The following CYTH3 variants were observed in gnomAD, a reference collection of about 807,000 sequenced individuals.
CYTH3 encodes the protein cytohesin-3.
In CYTH3, 23 loss-of-function variants were observed where a neutral mutation model predicts 55.1. The ratio of observed to expected loss-of-function variants is 0.42; its 90% CI spans 0.30 to 0.59. The LOEUF is 0.59. Among genes scored for constraint, CYTH3 ranks in the 20% least tolerant of loss-of-function variants. The pLI is 0.20. For synonymous variants in CYTH3, 249 were observed against 194.9 expected (o/e 1.28, Z -2.31); for missense variants, 413 against 524.8 (o/e 0.79, Z 2.08).
intron 5 of CYTH3, among the ~76,000 whole-genome samples, chr7:6,175,296 C>T (rs1454197833): frequency 2.0e-5 from 3 of 152,074 alleles, no homozygotes; most frequent in African/African-American, 4.8e-5. Flanking sequence ...CCACCATGCC[C>T]GGCCAGCCTT....
chr7:6,172,904 C>A, intron 6 of CYTH3: 1 of 1,226,230 alleles, frequency 8.2e-7, no homozygotes, highest in African/African-American at 1.6e-5. Flanking sequence ...ACATTGCAGT[C>A]TGCAGTTGAG....
chr7:6,231,390 C>G (rs1345225641), intron 1 of CYTH3, among the ~76,000 whole-genome samples: 1 of 152,196 alleles, frequency 6.6e-6, no homozygotes, highest in Non-Finnish European at 1.5e-5. Flanking sequence ...AAGAGCCCTG[C>G]AGGAGGGCAG....
In CYTH3 at chr7:6,215,889, G is replaced by A. The variant is rs142388752; in HGVS notation, c.35-25358C>T. ...AAAACCACAATGGCCAGAGGAAGTA[G>A]CAAAACATTCTTCAAGTGAAGAAAG... is the stretch of plus-strand genomic sequence containing the variant. On this transcript the variant is annotated intron_variant, in intron 1 of 12. Transcript: ENST00000350796. 6.6e-3 allele frequency among the ~76,000 whole-genome samples: 1,002 copies of A among 152,246 alleles called. 11 individuals are homozygous for A. Among genetic ancestry groups the A allele is most frequent in the African/African-American group, 0.023 (950 of 41,548 alleles).
intron 1 of CYTH3, among the ~76,000 whole-genome samples, chr7:6,233,883 G>C (rs1779451545): frequency 6.6e-6 from 1 of 151,914 alleles, no homozygotes; most frequent in Non-Finnish European, 1.5e-5. Context: ...TTCAGTGTGT[G>C]GTGAGGGCTG....
At chr7:6,271,777 T>A (rs960441218) in intron 1 of CYTH3, among the ~76,000 whole-genome samples, 21 of 152,088 alleles carry the variant, frequency 1.4e-4, no homozygotes, top group African/African-American at 4.8e-4. Context: ...CACACCTGGC[T>A]CTCCGGTCTT....
At chr7:6,251,262 C>A (rs769221900) in intron 1 of CYTH3, among the ~76,000 whole-genome samples, 2 of 150,976 alleles carry the variant, frequency 1.3e-5, no homozygotes, top group African/African-American at 2.4e-5. Flanking sequence ...GCAACAAGAG[C>A]GAAACACCGT....
chr7:6,180,671 C>T lies in CYTH3; in HGVS notation c.250-2730G>A, dbSNP rs367692439. On this transcript the variant is annotated intron_variant, in intron 4 of 12. Coordinates refer to ENST00000350796, the MANE Select transcript of CYTH3 (RefSeq NM_004227.4). ...ATGGCAGCCCTAGAATACTAATACA[C>T]TAGGTAAATACTCATAAAAGAAAGT... 5.9e-5 allele frequency among the ~76,000 whole-genome samples: 9 copies of T among 152,346 alleles called. No individual in the cohort carries two copies. The South Asian group carries it at 1.9e-3, about 32-fold the overall frequency.
At chr7:6,224,217 G>T (rs1382576930) in intron 1 of CYTH3, among the ~76,000 whole-genome samples, 2 of 150,368 alleles carry the variant, frequency 1.3e-5, no homozygotes, top group Admixed American at 1.3e-4. Flanking sequence ...AAGATGACCT[G>T]AATGCTATTA....
At chr7:6,208,175 G>A (rs960185733) in intron 1 of CYTH3, among the ~76,000 whole-genome samples, 7 of 152,248 alleles carry the variant, frequency 4.6e-5, no homozygotes, top group African/African-American at 1.2e-4. Context: ...CTACAAAGAC[G>A]ACAGATAAAC....
At chr7:6,175,723 T>C (rs1004281726) in intron 5 of CYTH3, among the ~76,000 whole-genome samples, 1 of 151,918 alleles carries the variant, frequency 6.6e-6, no homozygotes, top group African/African-American at 2.4e-5. Context: ...AATTTTTCTA[T>C]TTTTGTAGAC....
In CYTH3 at chr7:6,169,980, G is replaced by A. The variant is rs763693627; in HGVS notation, c.823+555C>T. On this transcript the variant is annotated intron_variant, in intron 9 of 12. Coordinates refer to ENST00000350796, the MANE Select transcript of CYTH3 (RefSeq NM_004227.4). This position sits in a 1 kb window ranked among gnomAD's most constrained non-coding sequence, Gnocchi z 4.1. ...GCCCCAGCAAGTCCACAGATGGATC[G>A]GATGAATGGCAGCCACACAGCGGAG... 3.6e-4 allele frequency: 57 copies of A among 157,246 alleles called. No individual in the cohort carries two copies. The highest frequency in any genetic ancestry group is 6.1e-4 in the Non-Finnish European group (43 of 71,012). The allele number at this position is 157,246 out of a possible 1,614,324, so 9.7% of individuals were successfully genotyped here.
intron 1 of CYTH3, among the ~76,000 whole-genome samples, chr7:6,198,877 A>G (rs1783998909): frequency 6.6e-6 from 1 of 152,096 alleles, no homozygotes; most frequent in East Asian, 1.9e-4. Context: ...TAAAATCCTG[A>G]CATTCCAGAC....
intron 1 of CYTH3, among the ~76,000 whole-genome samples, chr7:6,266,762 T>G: frequency 6.6e-6 from 1 of 152,238 alleles, no homozygotes; most frequent in East Asian, 1.9e-4. Flanking sequence ...AACCTCTTGT[T>G]GATTTCCTTT....
intron 5 of CYTH3, among the ~76,000 whole-genome samples, chr7:6,177,093 C>T (rs976084672): frequency 6.6e-6 from 1 of 152,186 alleles, no homozygotes; most frequent in Admixed American, 6.5e-5. Flanking sequence ...CTATTGCTTA[C>T]TATATATTAC....
At chr7:6,220,857 G>A (rs928551469) in intron 1 of CYTH3, among the ~76,000 whole-genome samples, 6 of 152,036 alleles carry the variant, frequency 3.9e-5, no homozygotes, top group Non-Finnish European at 8.8e-5. Flanking sequence ...TTAGCCAGGC[G>A]TGGTGGCGGG....
intron 1 of CYTH3, among the ~76,000 whole-genome samples, chr7:6,246,232 A>T (rs191034127): frequency 2.1e-5 from 3 of 141,414 alleles, no homozygotes; most frequent in African/African-American, 7.8e-5. Flanking sequence ...CACCTGGATA[A>T]TTTTTTTTTT....
chr7:6,242,807 C>G (rs1350635560), intron 1 of CYTH3, among the ~76,000 whole-genome samples: 1 of 152,138 alleles, frequency 6.6e-6, no homozygotes, highest in Non-Finnish European at 1.5e-5. Flanking sequence ...CACCATCCTA[C>G]CCAGTGCCTC....
At chr7:6,185,804 C>T (rs768598828) in intron 4 of CYTH3, among the ~76,000 whole-genome samples, 1 of 152,086 alleles carries the variant, frequency 6.6e-6, no homozygotes, top group Non-Finnish European at 1.5e-5. Context: ...TAAATATCAC[C>T]TGCAACTGCA....
At chr7:6,185,986 C>T (rs1345801733) in intron 4 of CYTH3, among the ~76,000 whole-genome samples, 3 of 151,706 alleles carry the variant, frequency 2.0e-5, no homozygotes, top group African/African-American at 2.4e-5. Flanking sequence ...GGCTCACGCA[C>T]ATAATCCCAG....
Sources: gnomAD v4.1 joint callset for allele counts (sites outside exome capture counted in the v4.1 genomes callset) on GRCh38, gnomAD v4.1.1 for gene constraint, Gnocchi (gnomAD v3.1) non-coding constraint, MANE v1.5 for transcripts, NCBI Gene and HGNC (gene_info 2026-07-23, HGNC 2026-07-21) for gene names.